Variants in USP3 observed in about 807,000 individuals in gnomAD.
USP3 encodes ubiquitin carboxyl-terminal hydrolase 3.
In USP3, 20 loss-of-function variants were observed where a neutral mutation model predicts 72.3. The ratio of observed to expected loss-of-function variants is 0.28; its 90% CI spans 0.19 to 0.40. The LOEUF is 0.40. Ranked by LOEUF, USP3 falls within the 10% of genes least tolerant of loss-of-function variation. The pLI is 1.00. For synonymous variants in USP3, 222 were observed against 225.3 expected (o/e 0.99, Z 0.13); for missense variants, 479 against 633.9 (o/e 0.76, Z 2.62).
intron 11 of USP3, among the ~76,000 whole-genome samples, chr15:63,584,406 G>C (rs999842216): frequency 1.3e-5 from 2 of 152,060 alleles, no homozygotes; most frequent in Non-Finnish European, 2.9e-5. Flanking sequence ...CCGGTACAAA[G>C]GTTTTAATTT....
rs754409213 is a variant in USP3, at chr15:63,570,518, G to A, written c.847G>A (p.Val283Ile). The A allele has an allele frequency of 3.7e-6, 6 of 1,614,052 alleles. No homozygotes were observed. In the South Asian group the frequency reaches 4.4e-5, roughly 12 times the overall value. ...GGAACTTCAGGGCGGTTTCAACGGT[G>A]TTTCCCGCTCAGCAATTCTGCAGGA... The part of the protein sequence containing the change: ...HLELQGGFNG[V>I]SRSAILQENS... Residue 283 changes from valine to isoleucine, a missense_variant, in exon 9 of 15, where the codon GTT becomes ATT. By Grantham distance (29) the Val-to-Ile change is conservative. Transcript: ENST00000380324. This position sits in a 1 kb window ranked among gnomAD's most constrained non-coding sequence, Gnocchi z 4.4.
chr15:63,521,365 T>C (rs1203124287), intron 1 of USP3, among the ~76,000 whole-genome samples: 1 of 152,200 alleles, frequency 6.6e-6, no homozygotes, highest in Non-Finnish European at 1.5e-5. Context: ...TTTTGTATTA[T>C]CAGGTATCTT....
chr15:63,511,892 T>A (rs1400508834), intron 1 of USP3, among the ~76,000 whole-genome samples: 1 of 152,146 alleles, frequency 6.6e-6, no homozygotes, highest in East Asian at 1.9e-4. Context: ...ATTTTCCAAT[T>A]GTATTTCCTG....
In USP3 at chr15:63,588,814, A is replaced by T; in HGVS notation, c.1328A>T (p.Glu443Val). 5.0e-6 allele frequency: 8 copies of T among 1,613,136 alleles called. No homozygotes were observed. Among genetic ancestry groups the T allele is most frequent in the Non-Finnish European group, 6.8e-6 (8 of 1,179,152 alleles). The change falls in exon 13 of 15, where the codon GAG (glutamate) becomes GTG (valine). Residue 443 changes from glutamate (E) to valine (V), a missense_variant and splice_region_variant. By Grantham distance (121) the Glu-to-Val change is moderately radical. Transcript: ENST00000380324. The surrounding 1 kb of genome is among the most constrained non-coding windows in gnomAD (Gnocchi z 4.6). ...RGLDMKCYLL[E>V]PENSGPESCL... Reference sequence around the variant, plus strand: ...CTAGACATGAAATGCTACTTACTAGAGGTAAGGTGGTTACCTTTTTAGCAT... The same window carrying T: ...CTAGACATGAAATGCTACTTACTAGTGGTAAGGTGGTTACCTTTTTAGCAT...
At chr15:63,543,776 G>A (rs898331149) in intron 3 of USP3, among the ~76,000 whole-genome samples, 2 of 152,110 alleles carry the variant, frequency 1.3e-5, no homozygotes, top group Non-Finnish European at 2.9e-5. Flanking sequence ...TAAAATTATT[G>A]GCTATCTAAT....
chr15:63,521,532 A>G (rs543450456), intron 1 of USP3, among the ~76,000 whole-genome samples: 1 of 152,142 alleles, frequency 6.6e-6, no homozygotes. Flanking sequence ...TATCGTAATT[A>G]TTTTTCTGTT....
chr15:63,514,246 T>A, intron 1 of USP3, among the ~76,000 whole-genome samples: 1 of 152,162 alleles, frequency 6.6e-6, no homozygotes, highest in East Asian at 1.9e-4. Flanking sequence ...TATTTCTAGT[T>A]TTTTTCTTCG....
chr15:63,543,558 G>A (rs1414945947), intron 3 of USP3, among the ~76,000 whole-genome samples: 1 of 152,116 alleles, frequency 6.6e-6, no homozygotes, highest in Non-Finnish European at 1.5e-5. Flanking sequence ...TTTCACCTGT[G>A]GTGTCCTCAT....
intron 3 of USP3, chr15:63,551,297 T>C (rs965988731): frequency 1.3e-5 from 2 of 152,086 alleles, no homozygotes; most frequent in African/African-American, 4.8e-5. Flanking sequence ...TGACATACCT[T>C]GTTGAGTCTT....
rs1222077439 is a variant in USP3 at position 63,588,978 on chromosome 15, A to T, written c.1364A>T (p.Asp455Val). The change falls in exon 14 of 15, where the codon GAC becomes GTC. Residue 455 changes from aspartate (D) to valine (V), a missense_variant. By Grantham distance (152) the Asp-to-Val change is radical. Transcript: ENST00000380324. The surrounding 1 kb of genome is among the most constrained non-coding windows in gnomAD (Gnocchi z 4.6). ...AGTGGCCCGGAGAGCTGCCTGTATG[A>T]CCTCGCCGCTGTGGTGGTGCACCAT... ...ENSGPESCLY[D>V]LAAVVVHHGS... is the part of the protein sequence containing the mutation. 1.2e-6 allele frequency: 2 copies of T among 1,613,706 alleles called. No homozygotes were observed. The highest frequency in any genetic ancestry group is 2.7e-5 in the African/African-American group (2 of 74,840).
intron 1 of USP3, 90 bp downstream of exon 1, chr15:63,504,920 C>G (rs1297825658): frequency 7.4e-6 from 8 of 1,083,742 alleles, no homozygotes; most frequent in Non-Finnish European, 9.2e-6. Flanking sequence ...GGCCGGCGCG[C>G]GGACTCGGGG....
At chr15:63,589,734 T>C (rs1311390843) in intron 14 of USP3, among the ~76,000 whole-genome samples, 1 of 152,134 alleles carries the variant, frequency 6.6e-6, no homozygotes, top group African/African-American at 2.4e-5. Context: ...CCCTATTATA[T>C]GCATAGTGAA....
Position 63,559,921 on chromosome 15 carries a change from A to T in USP3, c.598A>T (p.Thr200Ser). ...LPAVELRNGKTAGRRTYHTRS... is the reference protein window; with the variant it reads ...LPAVELRNGKSAGRRTYHTRS... ...CGCCGTGGAGTTAAGGAATGGGAAA[A>T]CAGCAGGAAGGCGGACATACCACAC... The change falls in exon 7 of 15, where the codon ACA (threonine) becomes TCA (serine). Residue 200 changes from threonine to serine, a missense_variant. Coordinates refer to ENST00000380324, the MANE Select transcript of USP3 (RefSeq NM_006537.4). 1 of 1,614,142 alleles carries T rather than the reference A, an allele frequency of 6.2e-7. No homozygotes were observed. Among genetic ancestry groups the T allele is most frequent in the Non-Finnish European group, 8.5e-7 (1 of 1,179,990 alleles).
intron 11 of USP3, among the ~76,000 whole-genome samples, chr15:63,587,112 A>G (rs2067083569): frequency 6.6e-6 from 1 of 152,072 alleles, no homozygotes; most frequent in African/African-American, 2.4e-5. Flanking sequence ...ACTTTAATAT[A>G]TTATTTAAAG....
intron 6 of USP3, among the ~76,000 whole-genome samples, chr15:63,559,249 G>A (rs1488669331): frequency 2.0e-5 from 3 of 152,102 alleles, no homozygotes; most frequent in Non-Finnish European, 2.9e-5. Flanking sequence ...TAGTCAACAA[G>A]GCTGACTTAA....
chr15:63,575,651 A>C lies in USP3; in HGVS notation c.1096+1248A>C, dbSNP rs1382776631. On this transcript the variant is annotated intron_variant, in intron 11 of 14. Coordinates refer to ENST00000380324, the MANE Select transcript of USP3 (RefSeq NM_006537.4). ...TCCTTAACAGGAATACAGAAGAAAA[A>C]GCCCCACTCCACTTCTCTGCAAAAT... 3.9e-5 allele frequency among the ~76,000 whole-genome samples: 6 copies of C among 152,300 alleles called. No homozygotes were observed. The East Asian group carries it at 1.2e-3, about 29-fold the overall frequency.
At chr15:63,520,467 A>G (rs1205481392) in intron 1 of USP3, among the ~76,000 whole-genome samples, 1 of 152,092 alleles carries the variant, frequency 6.6e-6, no homozygotes, top group East Asian at 1.9e-4. Flanking sequence ...CTATGTTAAA[A>G]AGCTATTTGG....
chr15:63,569,164 C>T (rs1041175117), intron 8 of USP3, among the ~76,000 whole-genome samples: 1 of 152,082 alleles, frequency 6.6e-6, no homozygotes, highest in Non-Finnish European at 1.5e-5. Context: ...ACTAATCTTA[C>T]CTTTGAGTCA....
At chr15:63,515,780 A>T (rs1336756105) in intron 1 of USP3, among the ~76,000 whole-genome samples, 2 of 152,232 alleles carry the variant, frequency 1.3e-5, no homozygotes, top group African/African-American at 2.4e-5. Context: ...AGTAATACAC[A>T]TTTCTGAAAT....
Sources: allele counts gnomAD v4.1 joint callset (sites outside exome capture counted in the v4.1 genomes callset), GRCh38; gene constraint gnomAD v4.1.1; non-coding constraint Gnocchi (gnomAD v3.1); transcripts MANE v1.5; gene names NCBI Gene and HGNC (gene_info 2026-07-23, HGNC 2026-07-21).